Variants in TMC1 observed in about 807,000 individuals in gnomAD.
TMC1 encodes transmembrane channel like 1, also known as transmembrane channel-like protein 1.
TMC1 carries 84 observed loss-of-function variants against 105.8 expected under a neutral mutation model. The ratio of observed to expected loss-of-function variants is 0.79; its 90% CI spans 0.67 to 0.95. The LOEUF (loss-of-function observed/expected upper bound fraction) is 0.95. TMC1 is among the 40% of genes least tolerant of loss of function. The probability of loss-of-function intolerance (pLI) is 0.00; values close to 1 mark genes in which losing one functional copy is unlikely to be tolerated. For synonymous variants in TMC1, 315 were observed against 311.5 expected (o/e 1.01, Z -0.12); for missense variants, 817 against 914.1 (o/e 0.89, Z 1.37).
intron 2 of TMC1, among the ~76,000 whole-genome samples, chr9:72,593,744 G>T (rs1285429971): frequency 1.3e-5 from 2 of 151,864 alleles, no homozygotes; most frequent in African/African-American, 4.8e-5. Flanking sequence ...AGAAGGAAAA[G>T]AAAAGAAAAA....
intron 1 of TMC1, among the ~76,000 whole-genome samples, chr9:72,550,860 AT>A (rs1387633982): frequency 1.3e-5 from 2 of 152,098 alleles, no homozygotes; most frequent in Non-Finnish European, 2.9e-5. Flanking sequence ...GTGTGACTAA[AT>A]TTAGAATCAT....
intron 1 of TMC1, among the ~76,000 whole-genome samples, chr9:72,566,887 C>A (rs1246945750): frequency 1.3e-5 from 2 of 152,204 alleles, no homozygotes; most frequent in African/African-American, 4.8e-5. Context: ...CAGTTGTTTT[C>A]ATCTCTTAAC....
At chr9:72,646,651 T>G (rs1263948553) in intron 4 of TMC1, among the ~76,000 whole-genome samples, 1 of 151,892 alleles carries the variant, frequency 6.6e-6, no homozygotes, top group Non-Finnish European at 1.5e-5. Flanking sequence ...TATTTTTTTT[T>G]GAGATGGAGT....
chr9:72,522,920 G>A (rs1823340366), intron 1 of TMC1, among the ~76,000 whole-genome samples: 1 of 152,156 alleles, frequency 6.6e-6, no homozygotes, highest in Admixed American at 6.5e-5. Flanking sequence ...TGCACTGTAG[G>A]ATGTTTAGCA....
intron 11 of TMC1, among the ~76,000 whole-genome samples, chr9:72,752,905 C>A (rs376461889): frequency 6.6e-6 from 1 of 152,098 alleles, no homozygotes; most frequent in East Asian, 1.9e-4. Context: ...TTTAATAGTA[C>A]AAAGCACTTT....
intron 5 of TMC1, among the ~76,000 whole-genome samples, chr9:72,688,327 G>GT (rs1826409176): frequency 6.6e-6 from 1 of 152,118 alleles, no homozygotes; most frequent in Non-Finnish European, 1.5e-5. Flanking sequence ...GTATGGGCAT[G>GT]TGGATATAGC....
chr9:72,805,435 C>A lies in TMC1; in HGVS notation c.1620C>A (p.Leu540=). The change falls in exon 18 of 24, where the codon CTC becomes CTA. Residue 540 remains leucine (L), a synonymous_variant. Coordinates refer to ENST00000297784, the MANE Select transcript of TMC1 (RefSeq NM_138691.3). ...TTCTGACCACCTACGTCACAATCCTCATTGGGGACTTTCTAAGGGCATGTT... is the reference window on the plus strand; with the variant it reads ...TTCTGACCACCTACGTCACAATCCTAATTGGGGACTTTCTAAGGGCATGTT... ...SDVLTTYVTI[L]IGDFLRACFV... The A allele has an allele frequency of 6.2e-7, 1 of 1,613,696 alleles. No homozygotes were observed. Among genetic ancestry groups the A allele is most frequent in the South Asian group, 1.1e-5 (1 of 91,070 alleles).
chr9:72,656,785 T>C (rs552090303), intron 5 of TMC1, among the ~76,000 whole-genome samples: 2 of 152,354 alleles, frequency 1.3e-5, no homozygotes, highest in Admixed American at 6.5e-5. Context: ...ATTTCTTTTT[T>C]TTCCCCCCTC....
chr9:72,781,254 A>C (rs937849414), intron 13 of TMC1, among the ~76,000 whole-genome samples: 1 of 152,174 alleles, frequency 6.6e-6, no homozygotes, highest in East Asian at 1.9e-4. Flanking sequence ...AAAATTAAGA[A>C]ATTATTTGAA....
At chr9:72,606,998 TATATAG>T (rs1329804251) in intron 2 of TMC1, among the ~76,000 whole-genome samples, 1,753 of 117,234 alleles carry the variant, frequency 0.015, 14 homozygotes, top group African/African-American at 0.042. Flanking sequence ...TATATATATA[TATATAG>T]AGAGAGAGAG....
intron 23 of TMC1, among the ~76,000 whole-genome samples, chr9:72,830,956 G>T (rs918790996): frequency 3.3e-5 from 5 of 152,078 alleles, no homozygotes; most frequent in African/African-American, 9.6e-5. Context: ...TTGAAAATGC[G>T]CAGAAAATGA....
intron 5 of TMC1, among the ~76,000 whole-genome samples, chr9:72,668,230 T>C (rs1397386326): frequency 6.6e-6 from 1 of 152,222 alleles, no homozygotes; most frequent in Non-Finnish European, 1.5e-5. Flanking sequence ...ATTCCTATGA[T>C]GTTATTTGTT....
intron 8 of TMC1, among the ~76,000 whole-genome samples, chr9:72,724,248 T>A (rs1158411176): frequency 2.0e-5 from 3 of 152,102 alleles, no homozygotes; most frequent in African/African-American, 7.2e-5. Flanking sequence ...GGCTGGGAAG[T>A]CCAAGAGGCA....
intron 15 of TMC1, among the ~76,000 whole-genome samples, chr9:72,790,871 A>G (rs1257760293): frequency 2.0e-5 from 3 of 152,180 alleles, no homozygotes; most frequent in African/African-American, 7.2e-5. Context: ...TACTTATATA[A>G]TGTTTTAATA....
At chr9:72,691,408 A>G (rs1430783957) in intron 6 of TMC1, among the ~76,000 whole-genome samples, 1 of 152,174 alleles carries the variant, frequency 6.6e-6, no homozygotes, top group African/African-American at 2.4e-5. Context: ...TGGTATCCAT[A>G]TATTAGAAAA....
intron 5 of TMC1, among the ~76,000 whole-genome samples, chr9:72,666,726 C>T (rs1826048495): frequency 6.6e-6 from 1 of 152,064 alleles, no homozygotes; most frequent in Non-Finnish European, 1.5e-5. Context: ...GGAAAATAAA[C>T]AGTGGATCAA....
chr9:72,823,337 T>TATG (rs1828903771), intron 20 of TMC1, among the ~76,000 whole-genome samples: 1 of 152,180 alleles, frequency 6.6e-6, no homozygotes, highest in African/African-American at 2.4e-5. Flanking sequence ...TTGTCATCTT[T>TATG]ATGAACCCCA....
At chr9:72,774,414 G>A (rs952550551) in intron 13 of TMC1, among the ~76,000 whole-genome samples, 7 of 152,138 alleles carry the variant, frequency 4.6e-5, no homozygotes, top group East Asian at 1.9e-4. Context: ...TCTGCCTTTC[G>A]AAAGGTATCA....
Position 72,525,987 on chromosome 9 carries a change from C to CAA in TMC1, c.-428+4088_-428+4089dup, listed in dbSNP as rs36080162. Among the ~76,000 whole-genome samples, 153 of 137,376 alleles carry CAA rather than the reference C, an allele frequency of 1.1e-3. 1 individual carries two copies. The highest frequency in any genetic ancestry group is 2.6e-3 in the East Asian group (12 of 4,654). The allele number at this position is 137,376 out of a possible 152,430, so 90.1% of individuals were successfully genotyped here. On this transcript the variant is annotated intron_variant, in intron 1 of 23. Transcript: ENST00000297784. ...TGGATGACAGAGTGAGACTCCGTCTCAAAAAAAAAAAAAAATTCCTTAACC... is the reference window on the plus strand; with the variant it reads ...TGGATGACAGAGTGAGACTCCGTCTCAAAAAAAAAAAAAAAAATTCCTTAACC...
Sources: allele counts gnomAD v4.1 joint callset (sites outside exome capture counted in the v4.1 genomes callset), GRCh38; gene constraint gnomAD v4.1.1; transcripts MANE v1.5; gene names NCBI Gene and HGNC (gene_info 2026-07-23, HGNC 2026-07-21).